PALB2: variants seen among roughly 807,000 people sequenced by gnomAD.
The protein encoded by PALB2 is partner and localizer of BRCA2.
In PALB2, 82 loss-of-function variants were observed where a neutral mutation model predicts 107.4. The ratio of observed to expected loss-of-function variants is 0.76; its 90% CI spans 0.64 to 0.92. The LOEUF is 0.92. Among genes scored for constraint, PALB2 ranks in the 40% least tolerant of loss-of-function variants. PALB2 has a pLI of 0.00. For synonymous variants in PALB2, 489 were observed against 496.8 expected (o/e 0.98, Z 0.21); for missense variants, 1,374 against 1,379.9 (o/e 1.00, Z 0.07).
chr16:23,615,670 CTTTT>C (rs907281481), intron 10 of PALB2, among the ~76,000 whole-genome samples: 2 of 146,362 alleles, frequency 1.4e-5, no homozygotes, highest in African/African-American at 5.0e-5. Flanking sequence ...AGTCCAAGTT[CTTTT>C]TTTTTTTGAG....
At position 23,634,939 on chromosome 16, in the gene PALB2, A is replaced by G. The variant is rs1555461198; in HGVS notation, c.1607T>C (p.Leu536Pro). The G allele has an allele frequency of 6.2e-7, 1 of 1,614,224 alleles. No individual in the cohort carries two copies. Among genetic ancestry groups the G allele is most frequent in the African/African-American group, 1.3e-5 (1 of 75,074 alleles). Residue 536 changes from leucine (L) to proline (P), a missense_variant, in exon 4 of 13, where the codon CTG becomes CCG. Physicochemically the swap from Leu to Pro is moderately conservative, Grantham distance 98. Transcript: ENST00000261584. ...TTCCTTGGACCTGTTAACAATCGAC[A>G]GGCTAGAAGTTGGCAAAAGTGGTTC... ...HCEPLLPTSSLSIVNRSKEEV... is the reference protein window; with the variant it reads ...HCEPLLPTSSPSIVNRSKEEV...
chr16:23,611,033 T>C (rs1270065713), intron 11 of PALB2, among the ~76,000 whole-genome samples: 1 of 151,878 alleles, frequency 6.6e-6, no homozygotes, highest in Admixed American at 6.6e-5. Context: ...AGCAAGAATC[T>C]TGTCTCAAAA....
intron 6 of PALB2, among the ~76,000 whole-genome samples, chr16:23,627,848 C>T (rs190658988): frequency 3.2e-4 from 48 of 152,302 alleles, no homozygotes; most frequent in African/African-American, 1.1e-3. Flanking sequence ...TACATATACA[C>T]AGATTTTAAT....
chr16:23,635,700 T>A lies in PALB2; in HGVS notation c.846A>T (p.Arg282Ser), dbSNP rs1555461587. Residue 282 changes from arginine (R) to serine (S), a missense_variant, in exon 4 of 13, where the codon AGA becomes AGT. By Grantham distance (110) the Arg-to-Ser change is moderately radical. Transcript: ENST00000261584. ...CCTCCAAACTTACAGGTGAAGTAAATCTAATGTTTTTTAGGTCGTGAGTAG... is the reference window on the plus strand; with the variant it reads ...CCTCCAAACTTACAGGTGAAGTAAAACTAATGTTTTTTAGGTCGTGAGTAG... ...ELTTHDLKNIRFTSPVSLEAQ... is the reference protein window; with the variant it reads ...ELTTHDLKNISFTSPVSLEAQ... The A allele has an allele frequency of 1.2e-6, 2 of 1,614,150 alleles. No individual in the cohort carries two copies. Among genetic ancestry groups the A allele is most frequent in the Non-Finnish European group, 1.7e-6 (2 of 1,180,024 alleles).
At chr16:23,621,290 C>T (rs1966766094) in intron 10 of PALB2, 72 bp downstream of exon 10, 2 of 995,946 alleles carry the variant, frequency 2.0e-6, no homozygotes, top group African/African-American at 1.6e-5. Flanking sequence ...ATCTTCACAA[C>T]AACCCTGTAA....
intron 3 of PALB2, 149 bp downstream of exon 3, chr16:23,637,701 T>C: frequency 3.0e-6 from 2 of 675,588 alleles, no homozygotes; most frequent in Non-Finnish European, 5.0e-6. Context: ...AGTGAGACTC[T>C]GTCTCAAAAA....
chr16:23,631,097 C>A (rs1966872169), intron 4 of PALB2, among the ~76,000 whole-genome samples: 1 of 137,612 alleles, frequency 7.3e-6, no homozygotes, highest in Non-Finnish European at 1.6e-5. Context: ...AACCCCGTCT[C>A]TACTAAAAAT....
At chr16:23,632,106 C>A (rs1274682033) in intron 4 of PALB2, among the ~76,000 whole-genome samples, 3 of 152,142 alleles carry the variant, frequency 2.0e-5, no homozygotes, top group Admixed American at 2.0e-4. Context: ...TAAAGAGGAA[C>A]AAAGTACTGA....
At chr16:23,617,356 A>G (rs937006502) in intron 10 of PALB2, among the ~76,000 whole-genome samples, 1 of 152,062 alleles carries the variant, frequency 6.6e-6, no homozygotes, top group Non-Finnish European at 1.5e-5. Context: ...CCAAGAATAG[A>G]TATGAGACAT....
rs1966389316 is a variant in PALB2, at chr16:23,603,185, T to C, written c.*274A>G. 5.4e-6 allele frequency: 2 copies of C among 368,056 alleles called. No individual in the cohort carries two copies. The highest frequency in any genetic ancestry group is 8.3e-5 in the South Asian group (2 of 23,988). 22.8% of individuals were successfully genotyped at this position (368,056 alleles called of 1,614,324 possible). A position where few individuals can be genotyped will look rare whatever the true frequency, so the allele number is the denominator to read the frequency against. ...CAGAATGTATAAAAATAAATATTTA[T>C]TGCCATTTGAAGCTTTATGTACACC... On this transcript the variant is annotated 3_prime_UTR_variant, in exon 13 of 13. Transcript: ENST00000261584.
chr16:23,606,821 CTTTT>C (rs545664784), intron 12 of PALB2, among the ~76,000 whole-genome samples: 2 of 108,586 alleles, frequency 1.8e-5, no homozygotes, highest in African/African-American at 3.9e-5. Flanking sequence ...CTGCACCCTG[CTTTT>C]TTTTTTTTTT....
Position 23,636,133 on chromosome 16 carries a change from T to G in PALB2, c.413A>C (p.Glu138Ala), listed in dbSNP as rs1322095182. 2.5e-6 allele frequency: 4 copies of G among 1,613,560 alleles called. No homozygotes were observed. The highest frequency in any genetic ancestry group is 3.4e-6 in the Non-Finnish European group (4 of 1,179,836). Residue 138 changes from glutamate to alanine, a missense_variant, in exon 4 of 13, where the codon GAG becomes GCG. Coordinates refer to ENST00000261584, the MANE Select transcript of PALB2 (RefSeq NM_024675.4). ...TCTGCTTGGCAGCTTCTGCTTTTGC[T>G]CACCACTAGGGTCACTGACCCTGTG... The part of the protein sequence containing the change: ...FPHRVSDPSG[E>A]QKQKLPSRRK...
chr16:23,612,250 T>G (rs1264921713), intron 11 of PALB2, among the ~76,000 whole-genome samples: 1 of 152,096 alleles, frequency 6.6e-6, no homozygotes, highest in African/African-American at 2.4e-5. Flanking sequence ...TGAGACAGAG[T>G]CTTGCTCTGT....
At chr16:23,625,107 T>C (rs1597083795) in intron 7 of PALB2, among the ~76,000 whole-genome samples, 1 of 151,488 alleles carries the variant, frequency 6.6e-6, no homozygotes, top group South Asian at 2.1e-4. Flanking sequence ...CCGAGGCGAG[T>C]GGATCACTTG....
At position 23,623,017 on chromosome 16, in the gene PALB2, G is replaced by T; in HGVS notation, c.2948C>A (p.Thr983Asn). ...GACTTCTACTTGTTGATCAGAAAGG[G>T]TCCCACTGCTACTAACTAGCCTCCT... ...TKRRLVSSSG[T>N]LSDQQVEVMT... The change falls in exon 9 of 13, where the codon ACC becomes AAC. Residue 983 changes from threonine (T) to asparagine (N), a missense_variant. Physicochemically the swap from Thr to Asn is moderately conservative, Grantham distance 65 (BLOSUM62 0). Transcript: ENST00000261584. 2 of 1,614,070 alleles carry T rather than the reference G, an allele frequency of 1.2e-6. No individual in the cohort carries two copies. The highest frequency in any genetic ancestry group is 1.7e-6 in the Non-Finnish European group (2 of 1,180,016).
At chr16:23,628,794 C>G (rs537429230) in intron 6 of PALB2, among the ~76,000 whole-genome samples, 1 of 152,200 alleles carries the variant, frequency 6.6e-6, no homozygotes, top group African/African-American at 2.4e-5. Flanking sequence ...CCACCACGCC[C>G]GGCTAATTTT....
rs373044186 is a variant in PALB2, at chr16:23,613,908, C to T, written c.3201+96G>A. On this transcript the variant is annotated intron_variant, in intron 11 of 12. Transcript: ENST00000261584. ...TATCCAATTTTGAAAAAAGATGCCA[C>T]GGGGAAGGTTTGTTCATTACTGCTT... 1.5e-4 allele frequency: 131 copies of T among 877,440 alleles called. 1 individual carries two copies. In the Middle Eastern group the frequency reaches 1.5e-3, roughly 10 times the overall value. 54.4% of individuals were successfully genotyped at this position (877,440 alleles called of 1,614,324 possible).
intron 4 of PALB2, among the ~76,000 whole-genome samples, chr16:23,630,743 T>G (rs1966869599): frequency 6.6e-6 from 1 of 152,098 alleles, no homozygotes; most frequent in Non-Finnish European, 1.5e-5. Flanking sequence ...ACTCAGAAAC[T>G]TGGGCGAAGG....
At chr16:23,603,921 T>A (rs985091479) in intron 12 of PALB2, among the ~76,000 whole-genome samples, 3 of 152,104 alleles carry the variant, frequency 2.0e-5, no homozygotes, top group Non-Finnish European at 4.4e-5. Context: ...ACAGTGGCCT[T>A]CCTTCCACTC....
Sources: gnomAD v4.1 joint callset for allele counts (sites outside exome capture counted in the v4.1 genomes callset) on GRCh38, gnomAD v4.1.1 for gene constraint, MANE v1.5 for transcripts, NCBI Gene and HGNC (gene_info 2026-07-23, HGNC 2026-07-21) for gene names.